The following BTG4 variants were observed in gnomAD, a reference collection of about 807,000 sequenced individuals.
BTG4 encodes the protein BTG anti-proliferation factor 4, also known as protein BTG4.
A neutral mutation model predicts 19.3 loss-of-function variants in BTG4; 10 were observed. The ratio of observed to expected loss-of-function variants is 0.52; its 90% confidence interval spans 0.32 to 0.88. The LOEUF (loss-of-function observed/expected upper bound fraction) is 0.88, where lower values mean the gene tolerates loss of function less well. Among genes scored for constraint, BTG4 ranks in the 40% least tolerant of loss-of-function variants. The probability of loss-of-function intolerance (pLI) is 0.04; values close to 1 mark genes in which losing one functional copy is unlikely to be tolerated. For missense variants in BTG4, 238 were observed against 281.9 expected (o/e 0.84, Z 1.11); for synonymous variants, 91 against 95.7 (o/e 0.95, Z 0.29).
the BTG4 span, among the ~76,000 whole-genome samples, chr11:111,422,702 G>A: frequency 1.7e-3 from 257 of 152,256 alleles, no homozygotes; most frequent in Non-Finnish European, 2.9e-3. Context: ...ACAGGACAGG[G>A]TGACTCCCGA....
chr11:111,467,205 C>T (rs1863770965), downstream of BTG4, among the ~76,000 whole-genome samples: 1 of 152,114 alleles, frequency 6.6e-6, no homozygotes, highest in Non-Finnish European at 1.5e-5. Flanking sequence ...ATTATTTTTC[C>T]TATTTTAAAA....
chr11:111,507,719 A>G (rs1866555217), intron 1 of BTG4: 1 of 152,140 alleles, frequency 6.6e-6, no homozygotes, highest in Non-Finnish European at 1.5e-5. Flanking sequence ...CCCAAGATCT[A>G]CTTCCTCCTG....
chr11:111,496,940 G>A (rs1865772903), intron 4 of BTG4: 2 of 380,570 alleles, frequency 5.3e-6, no homozygotes, highest in Non-Finnish European at 9.3e-6. Flanking sequence ...AGGAATTTAA[G>A]TGGAAGGAAA....
At chr11:111,423,887 G>A in the BTG4 span, among the ~76,000 whole-genome samples, 1 of 152,086 alleles carries the variant, frequency 6.6e-6, no homozygotes, top group Admixed American at 6.6e-5. Flanking sequence ...AATCTCCGAG[G>A]CCTGAGCTCC....
At chr11:111,445,589 A>G in the BTG4 span, among the ~76,000 whole-genome samples, 1 of 152,224 alleles carries the variant, frequency 6.6e-6, no homozygotes, top group African/African-American at 2.4e-5. Context: ...CATATCCCCA[A>G]TTGCTAAAGG....
intron 5 of BTG4, chr11:111,474,972 T>C (rs1207471198): frequency 2.0e-5 from 3 of 152,710 alleles, no homozygotes; most frequent in South Asian, 2.1e-4. Flanking sequence ...CATTTTCCAT[T>C]AGATTGTGCC....
the BTG4 span, among the ~76,000 whole-genome samples, chr11:111,391,307 A>G: frequency 6.6e-6 from 1 of 152,182 alleles, no homozygotes; most frequent in Admixed American, 6.5e-5. Flanking sequence ...TTGAGTCTTG[A>G]GCCAACACAC....
chr11:111,459,318 T>C, the BTG4 span, among the ~76,000 whole-genome samples: 2 of 152,198 alleles, frequency 1.3e-5, no homozygotes, highest in Non-Finnish European at 2.9e-5. Flanking sequence ...AGTCCTGAGT[T>C]CAGATTCTGA....
intron 1 of BTG4, among the ~76,000 whole-genome samples, chr11:111,509,159 A>T (rs1330434399): frequency 2.0e-5 from 3 of 152,240 alleles, no homozygotes; most frequent in African/African-American, 7.2e-5. Flanking sequence ...GAAACTAGAA[A>T]TATGGAATTA....
chr11:111,406,917 C>A, the BTG4 span, among the ~76,000 whole-genome samples: 4 of 152,164 alleles, frequency 2.6e-5, no homozygotes, highest in South Asian at 6.2e-4. Flanking sequence ...GCCTGCCTAC[C>A]TCATTTCACA....
chr11:111,489,074 C>T (rs1296064268), intron 5 of BTG4, among the ~76,000 whole-genome samples: 1 of 151,252 alleles, frequency 6.6e-6, no homozygotes, highest in African/African-American at 2.4e-5. Context: ...AACCCAGAAG[C>T]AGACGTTGTG....
the BTG4 span, among the ~76,000 whole-genome samples, chr11:111,403,997 T>A: frequency 2.0e-5 from 3 of 152,194 alleles, no homozygotes; most frequent in Non-Finnish European, 2.9e-5. Flanking sequence ...TTTGGCTGTG[T>A]CCCCACCCAA....
chr11:111,444,067 G>A, the BTG4 span, among the ~76,000 whole-genome samples: 1 of 152,062 alleles, frequency 6.6e-6, no homozygotes, highest in Non-Finnish European at 1.5e-5. Context: ...ATGGAAATAA[G>A]AATAAATGGA....
chr11:111,425,319 T>C, the BTG4 span, among the ~76,000 whole-genome samples: 2 of 152,116 alleles, frequency 1.3e-5, no homozygotes, highest in African/African-American at 4.8e-5. Flanking sequence ...GCAGGCTCCA[T>C]GCTGATCATG....
the BTG4 span, among the ~76,000 whole-genome samples, chr11:111,420,585 T>C: frequency 2.0e-5 from 3 of 152,242 alleles, no homozygotes; most frequent in African/African-American, 7.2e-5. Context: ...GAGCTGTATG[T>C]AGAGCTACTT....
the BTG4 span, among the ~76,000 whole-genome samples, chr11:111,420,583 T>G: frequency 6.6e-6 from 1 of 152,208 alleles, no homozygotes; most frequent in Non-Finnish European, 1.5e-5. Flanking sequence ...AGGAGCTGTA[T>G]GTAGAGCTAC....
At chr11:111,455,748 C>A in the BTG4 span, 1 of 441,208 alleles carries the variant, frequency 2.3e-6, no homozygotes, top group South Asian at 1.6e-5. Context: ...TGCTCCTGTG[C>A]CCCTGCAGGG....
the BTG4 span, among the ~76,000 whole-genome samples, chr11:111,436,343 A>G: frequency 6.6e-6 from 1 of 152,214 alleles, no homozygotes; most frequent in Non-Finnish European, 1.5e-5. Flanking sequence ...TTGGACAGGC[A>G]CAGTGGCTCA....
the BTG4 span, among the ~76,000 whole-genome samples, chr11:111,424,498 C>G: frequency 0.92 from 140,255 of 152,316 alleles, 64,919 homozygotes; most frequent in East Asian, 1. Context: ...ACATTTATTA[C>G]AGTTGGTTAA....
Sources: gnomAD v4.1 joint callset for allele counts (sites outside exome capture counted in the v4.1 genomes callset) on GRCh38, gnomAD v4.1.1 for gene constraint, MANE v1.5 for transcripts, NCBI Gene and HGNC (gene_info 2026-07-23, HGNC 2026-07-21) for gene names.